CCDC178: variants seen among roughly 807,000 people sequenced by gnomAD.
CCDC178 encodes the protein coiled-coil domain containing 178, also known as coiled-coil domain-containing protein 178.
Under a neutral mutation model 117.4 loss-of-function variants are expected in CCDC178, and 126 were observed. That is an observed-to-expected ratio of 1.07 (90% CI 0.93 to 1.24). CCDC178 has a LOEUF of 1.24. Ranked by LOEUF, CCDC178 falls within the 50% of genes most tolerant of loss-of-function variation. The pLI is 0.00. For missense variants in CCDC178, 1,030 were observed against 986.9 expected (o/e 1.04, Z -0.59); for synonymous variants, 283 against 313.4 (o/e 0.90, Z 1.02).
At chr18:33,403,951 T>G (rs13381685) in intron 3 of CCDC178, among the ~76,000 whole-genome samples, 5,550 of 152,274 alleles carry the variant, frequency 0.036, 169 homozygotes, top group Non-Finnish European at 0.053. Context: ...AGTAGTTATT[T>G]TGAATTATTG....
At chr18:33,221,845 C>A (rs1034290027) in intron 18 of CCDC178, among the ~76,000 whole-genome samples, 16 of 151,956 alleles carry the variant, frequency 1.1e-4, no homozygotes, top group Non-Finnish European at 2.1e-4. Flanking sequence ...AAAAAGCTGA[C>A]CTTAATTGGC....
At chr18:33,367,513 G>A (rs2063227865) in intron 6 of CCDC178, among the ~76,000 whole-genome samples, 2 of 151,728 alleles carry the variant, frequency 1.3e-5, no homozygotes, top group African/African-American at 4.8e-5. Flanking sequence ...TCAATGTAAG[G>A]TTGTCTAATA....
In CCDC178 at chr18:33,116,592, C is replaced by G. The variant is rs140773286; in HGVS notation, c.2239-23682G>C. Reference sequence around the variant, plus strand: ...CAGAGCCGTTGCTCACTTTTCAAGTCCGTCAGATTGCTGGCAGGGTTTATT... The same window carrying G: ...CAGAGCCGTTGCTCACTTTTCAAGTGCGTCAGATTGCTGGCAGGGTTTATT... On this transcript the variant is annotated intron_variant, in intron 20 of 22. Coordinates refer to ENST00000383096, the MANE Select transcript of CCDC178 (RefSeq NM_001105528.4). Among the ~76,000 whole-genome samples the G allele has an allele frequency of 2.3e-4, 35 of 152,196 alleles. No homozygotes were observed. The East Asian group carries it at 5.6e-3, about 25-fold the overall frequency.
At chr18:33,379,746 AC>A (rs1451887447) in intron 5 of CCDC178, among the ~76,000 whole-genome samples, 1 of 152,002 alleles carries the variant, frequency 6.6e-6, no homozygotes, top group South Asian at 2.1e-4. Flanking sequence ...AGCAAAGTGA[AC>A]CCCCAAACAA....
At chr18:33,238,961 T>G (rs2059455759) in intron 15 of CCDC178, among the ~76,000 whole-genome samples, 1 of 151,940 alleles carries the variant, frequency 6.6e-6, no homozygotes, top group African/African-American at 2.4e-5. Context: ...CAGGAGATAA[T>G]GGGATGGTAT....
At chr18:32,998,943 G>C (rs753650316) in intron 21 of CCDC178, among the ~76,000 whole-genome samples, 2 of 151,972 alleles carry the variant, frequency 1.3e-5, no homozygotes, top group Non-Finnish European at 2.9e-5. Context: ...CCTTCTGCTT[G>C]AGAAAAGGAG....
chr18:32,972,199 G>A (rs1051914667), intron 22 of CCDC178, among the ~76,000 whole-genome samples: 2 of 152,074 alleles, frequency 1.3e-5, no homozygotes, highest in African/African-American at 4.8e-5. Context: ...TTTTGTATAA[G>A]GTGTAAGGAA....
intron 20 of CCDC178, among the ~76,000 whole-genome samples, chr18:33,182,762 G>A (rs892397445): frequency 3.3e-5 from 5 of 151,806 alleles, no homozygotes; most frequent in African/African-American, 1.2e-4. Flanking sequence ...TAACATTATT[G>A]TGAATTTCTA....
At chr18:33,415,167 G>A (rs1010585106) in intron 2 of CCDC178, among the ~76,000 whole-genome samples, 9 of 152,202 alleles carry the variant, frequency 5.9e-5, no homozygotes, top group African/African-American at 1.9e-4. Context: ...TCTAGAACTG[G>A]AAATACCATT....
At chr18:33,377,724 T>C (rs367582314) in intron 5 of CCDC178, among the ~76,000 whole-genome samples, 1 of 152,190 alleles carries the variant, frequency 6.6e-6, no homozygotes, top group Admixed American at 6.5e-5. Flanking sequence ...CCATTGCTTA[T>C]GTTTGTTGAC....
chr18:33,142,919 T>C (rs973524616), intron 20 of CCDC178, among the ~76,000 whole-genome samples: 6 of 152,168 alleles, frequency 3.9e-5, no homozygotes, highest in African/African-American at 1.4e-4. Context: ...GAGGGAGTTA[T>C]ACAAGAAATG....
chr18:33,364,998 T>A (rs146004402), intron 6 of CCDC178, among the ~76,000 whole-genome samples: 3 of 151,740 alleles, frequency 2.0e-5, no homozygotes, highest in African/African-American at 7.3e-5. Context: ...ATATTTGGGG[T>A]TGGCATTTTG....
intron 2 of CCDC178, among the ~76,000 whole-genome samples, chr18:33,428,730 CAAAAAAAAAA>C (rs35234261): frequency 4.7e-5 from 2 of 42,378 alleles, no homozygotes; most frequent in African/African-American, 9.0e-5. Context: ...GACTCTGTCT[CAAAAAAAAAA>C]AAAAAAAAAA....
At chr18:33,243,873 G>GA (rs890148413) in intron 15 of CCDC178, among the ~76,000 whole-genome samples, 12 of 150,402 alleles carry the variant, frequency 8.0e-5, no homozygotes, top group East Asian at 1.9e-4. Flanking sequence ...TATCCTCAAA[G>GA]AAAAAAAAAT....
intron 21 of CCDC178, among the ~76,000 whole-genome samples, chr18:33,061,073 A>T (rs1001942590): frequency 2.6e-5 from 4 of 152,212 alleles, no homozygotes; most frequent in African/African-American, 7.2e-5. Flanking sequence ...AATCAATTAA[A>T]ACATTAAAAT....
At chr18:33,389,739 GA>G in intron 4 of CCDC178, 110 bp from the exon 5 acceptor site, 2 of 412,714 alleles carry the variant, frequency 4.8e-6, no homozygotes, top group East Asian at 7.9e-5. Context: ...CTCCTTAAAA[GA>G]AAAACAACTA....
intron 11 of CCDC178, among the ~76,000 whole-genome samples, chr18:33,321,211 G>A (rs1056446053): frequency 6.6e-5 from 10 of 152,040 alleles, no homozygotes; most frequent in South Asian, 2.1e-4. Context: ...CACCAAAAGC[G>A]TGGCAACAAA....
chr18:33,037,077 A>G (rs1025381704), intron 21 of CCDC178, among the ~76,000 whole-genome samples: 5 of 151,970 alleles, frequency 3.3e-5, no homozygotes, highest in African/African-American at 1.2e-4. Context: ...CAATGTCAAT[A>G]TAATGATAAA....
intron 21 of CCDC178, 99 bp from the exon 22 acceptor site, chr18:32,974,780 TCAATAGC>T (rs2054999473): frequency 2.5e-6 from 3 of 1,192,704 alleles, no homozygotes; most frequent in Non-Finnish European, 3.6e-6. Context: ...TAGAAAGCAG[TCAATAGC>T]CCATTCTGCA....
Sources: gnomAD v4.1 joint callset for allele counts (sites outside exome capture counted in the v4.1 genomes callset) on GRCh38, gnomAD v4.1.1 for gene constraint, MANE v1.5 for transcripts, NCBI Gene and HGNC (gene_info 2026-07-23, HGNC 2026-07-21) for gene names.